The following CCDC169 variants were observed in gnomAD, a reference collection of about 807,000 sequenced individuals.
The protein encoded by CCDC169 is coiled-coil domain containing 169.
A neutral mutation model predicts 36.0 loss-of-function variants in CCDC169; 30 were observed. The observed-to-expected ratio is 0.83, with a 90% CI of 0.62 to 1.13. The LOEUF is 1.13. Among genes scored for constraint, CCDC169 ranks in the 50% most tolerant of loss-of-function variants. The pLI, the probability that CCDC169 is intolerant of heterozygous loss-of-function variation, is 0.00. For synonymous variants in CCDC169, 85 were observed against 81.5 expected (o/e 1.04, Z -0.23); for missense variants, 245 against 245.9 (o/e 1.00, Z 0.03).
intron 4 of CCDC169, among the ~76,000 whole-genome samples, chr13:36,257,256 C>T (rs1160669522): frequency 6.6e-6 from 1 of 152,172 alleles, no homozygotes; most frequent in African/African-American, 2.4e-5. Flanking sequence ...CCCATCTAGC[C>T]CTACAGCACA....
intron 2 of CCDC169, among the ~76,000 whole-genome samples, chr13:36,284,013 G>GTA (rs1877867469): frequency 1.3e-5 from 2 of 151,816 alleles, no homozygotes; most frequent in African/African-American, 4.8e-5. Flanking sequence ...AATTCAATTA[G>GTA]AGGGAATATC....
rs184470395 is a variant in CCDC169, at chr13:36,295,466, T to G, written c.163+312A>C. On this transcript the variant is annotated intron_variant, in intron 2 of 7. Transcript: ENST00000239859. ...AAGTTAAGATATAAAGAGTGTAACT[T>G]GAGGTGAATAGAAAACTGGTGATAT... Among the ~76,000 whole-genome samples, 132 of 152,280 alleles carry G rather than the reference T, an allele frequency of 8.7e-4. 1 individual carries two copies. Among genetic ancestry groups the G allele is most frequent in the African/African-American group, 2.9e-3 (122 of 41,552 alleles).
intron 7 of CCDC169, among the ~76,000 whole-genome samples, chr13:36,232,900 G>A (rs981371642): frequency 3.3e-5 from 5 of 152,040 alleles, no homozygotes; most frequent in African/African-American, 4.8e-5. Context: ...AGGAAAAGCT[G>A]AGAAATGAGT....
At chr13:36,294,057 T>C (rs1303248488) in intron 2 of CCDC169, among the ~76,000 whole-genome samples, 1 of 152,122 alleles carries the variant, frequency 6.6e-6, no homozygotes, top group Non-Finnish European at 1.5e-5. Context: ...CATTCTTCCA[T>C]ATATGGGGAT....
Position 36,283,591 on chromosome 13 carries a change from C to A in CCDC169, c.274+1G>T, listed in dbSNP as rs1877814352. 6.4e-7 allele frequency: 1 copy of A among 1,551,008 alleles called. No homozygotes were observed. The highest frequency in any genetic ancestry group is 8.7e-7 in the Non-Finnish European group (1 of 1,146,744). The stretch of plus-strand genomic sequence containing the variant: ...AAATGTACATATGATTGGTTTTGTA[C>A]CTGAAGAGTTTCCATGGATTTTTTC... On this transcript the variant is annotated splice_donor_variant, in intron 3 of 7. Transcript: ENST00000239859. LOFTEE classifies it high-confidence loss of function.
chr13:36,283,695 T>C lies in CCDC169; in HGVS notation c.171A>G (p.Glu57=). The C allele has an allele frequency of 1.9e-6, 3 of 1,550,064 alleles. No individual in the cohort carries two copies. Among genetic ancestry groups the C allele is most frequent in the Admixed American group, 2.0e-5 (1 of 50,988 alleles). ...AKLNTDNEGS[E]WKTRYETQLE... Reference sequence around the variant, plus strand: ...GTTGTGTCTCATAACGGGTTTTCCATTCACTACCTGAGTAAAAACAGGGAG... The same window carrying C: ...GTTGTGTCTCATAACGGGTTTTCCACTCACTACCTGAGTAAAAACAGGGAG... The change falls in exon 3 of 8, where the codon GAA becomes GAG. Residue 57 remains glutamate, a synonymous_variant. Transcript: ENST00000239859.
intron 2 of CCDC169, among the ~76,000 whole-genome samples, chr13:36,294,746 G>C (rs1879274073): frequency 6.6e-6 from 1 of 152,068 alleles, no homozygotes; most frequent in South Asian, 2.1e-4. Context: ...TGCATGAGAG[G>C]GTTGAGATTG....
chr13:36,258,365 C>G (rs1206419040), intron 4 of CCDC169, among the ~76,000 whole-genome samples: 1 of 152,044 alleles, frequency 6.6e-6, no homozygotes, highest in African/African-American at 2.4e-5. Flanking sequence ...AGGCTGAGAC[C>G]CACTGGGCTG....
chr13:36,270,000 A>T (rs941832805), intron 4 of CCDC169, among the ~76,000 whole-genome samples: 1 of 152,204 alleles, frequency 6.6e-6, no homozygotes, highest in Non-Finnish European at 1.5e-5. Flanking sequence ...TTTTCAGACG[A>T]CATGATCGTA....
intron 7 of CCDC169, among the ~76,000 whole-genome samples, chr13:36,231,647 T>G (rs1156578749): frequency 6.6e-6 from 1 of 152,150 alleles, no homozygotes; most frequent in Non-Finnish European, 1.5e-5. Flanking sequence ...ATGACTTATG[T>G]GGCACTAAAA....
intron 7 of CCDC169, among the ~76,000 whole-genome samples, chr13:36,237,910 A>G (rs1318429929): frequency 6.6e-6 from 1 of 152,206 alleles, no homozygotes; most frequent in Non-Finnish European, 1.5e-5. Flanking sequence ...TAGGAGCAAG[A>G]GGCTATACCA....
At chr13:36,270,542 A>G (rs1314279287) in intron 4 of CCDC169, among the ~76,000 whole-genome samples, 1 of 152,250 alleles carries the variant, frequency 6.6e-6, no homozygotes, top group Admixed American at 6.5e-5. Flanking sequence ...TATAGTTACC[A>G]AAACAGCATG....
chr13:36,254,376 T>C (rs1057397984), intron 4 of CCDC169, among the ~76,000 whole-genome samples: 1 of 151,198 alleles, frequency 6.6e-6, no homozygotes, highest in Non-Finnish European at 1.5e-5. Context: ...CCCAGGTCTA[T>C]GCGATTCCCC....
intron 7 of CCDC169, 22 bp downstream of exon 7, chr13:36,248,584 G>A (rs1393055363): frequency 1.3e-6 from 2 of 1,546,152 alleles, no homozygotes; most frequent in Admixed American, 3.9e-5. Context: ...GAATTAGAAA[G>A]AAAATATATA....
intron 6 of CCDC169, among the ~76,000 whole-genome samples, chr13:36,251,678 G>A (rs999125583): frequency 6.6e-6 from 1 of 151,876 alleles, no homozygotes; most frequent in African/African-American, 2.4e-5. Flanking sequence ...TTTGCTTTTT[G>A]CCACTCTTTG....
chr13:36,257,606 G>A (rs1594036674), intron 4 of CCDC169, among the ~76,000 whole-genome samples: 1 of 152,140 alleles, frequency 6.6e-6, no homozygotes, highest in East Asian at 1.9e-4. Context: ...GAGAGACTGA[G>A]GCAAGTGAGT....
chr13:36,288,235 C>T (rs1878479407), intron 2 of CCDC169, among the ~76,000 whole-genome samples: 4 of 151,942 alleles, frequency 2.6e-5, no homozygotes, highest in Admixed American at 2.0e-4. Context: ...AGGATGGTCT[C>T]GATCTTCTGA....
chr13:36,295,781 C>T lies in CCDC169; in HGVS notation c.160G>A (p.Glu54Lys). The T allele has an allele frequency of 6.7e-7, 1 of 1,503,154 alleles. No homozygotes were observed. Among genetic ancestry groups the T allele is most frequent in the Non-Finnish European group, 9.0e-7 (1 of 1,105,388 alleles). The allele number at this position is 1,503,154 out of a possible 1,614,324, so 93.1% of individuals were successfully genotyped here. A position where few individuals can be genotyped will look rare whatever the true frequency, so the allele number is the denominator to read the frequency against. The change falls in exon 2 of 8, where the codon GAA becomes AAA. Residue 54 changes from glutamate to lysine, a missense_variant. Physicochemically the swap from Glu to Lys is moderately conservative, Grantham distance 56. Coordinates refer to ENST00000239859, the MANE Select transcript of CCDC169 (RefSeq NM_001144981.3). Reference sequence around the variant, plus strand: ...ATATAAGTATTTACTTATATACCTTCATTGTCAGTATTGAGTTTGGCTTCC... The same window carrying T: ...ATATAAGTATTTACTTATATACCTTTATTGTCAGTATTGAGTTTGGCTTCC... ...ELEAKLNTDN[E>K]GSEWKTRYET...
intron 4 of CCDC169, among the ~76,000 whole-genome samples, chr13:36,262,093 A>G (rs916393253): frequency 6.6e-6 from 1 of 152,198 alleles, no homozygotes. Flanking sequence ...CTACCCCTCT[A>G]GTGCTGCCCA....
Sources: gnomAD v4.1 joint callset for allele counts (sites outside exome capture counted in the v4.1 genomes callset) on GRCh38, gnomAD v4.1.1 for gene constraint, MANE v1.5 for transcripts, NCBI Gene and HGNC (gene_info 2026-07-23, HGNC 2026-07-21) for gene names.